NBEA: variants seen among roughly 807,000 people sequenced by gnomAD.
NBEA encodes lysosomal-trafficking regulator 2.
A neutral mutation model predicts 343.4 loss-of-function variants in NBEA; 44 were observed. The ratio of observed to expected loss-of-function variants is 0.13; its 90% CI spans 0.10 to 0.16. The LOEUF is 0.16. Among genes scored for constraint, NBEA ranks in the 10% least tolerant of loss-of-function variants. NBEA has a pLI of 1.00. For synonymous variants in NBEA, 1,175 were observed against 1,238.7 expected, an observed-to-expected ratio of 0.95 and a Z score of 1.08; for missense variants, 2,555 against 3,631.3, an observed-to-expected ratio of 0.70 and a Z score of 7.62.
intron 34 of NBEA, among the ~76,000 whole-genome samples, chr13:35,246,732 G>A (rs775008817): frequency 9.2e-5 from 14 of 152,180 alleles, no homozygotes; most frequent in Admixed American, 7.2e-4. Context: ...AGTTGTAGTT[G>A]TTTAATGCAC....
chr13:35,051,480 T>G (rs2063064022), intron 6 of NBEA, among the ~76,000 whole-genome samples: 1 of 152,014 alleles, frequency 6.6e-6, no homozygotes. Flanking sequence ...TTTTACATGA[T>G]TCTAATAAAA....
intron 41 of NBEA, among the ~76,000 whole-genome samples, chr13:35,520,504 G>A (rs2152992055): frequency 6.6e-6 from 1 of 152,254 alleles, no homozygotes; most frequent in African/African-American, 2.4e-5. Flanking sequence ...GGTTGAGAAG[G>A]AAGATGTGCC....
chr13:35,667,303 C>A, intron 56 of NBEA, 71 bp from the exon 57 acceptor site: 1 of 1,313,116 alleles, frequency 7.6e-7, no homozygotes, highest in South Asian at 1.3e-5. Flanking sequence ...GCAAGGTTTT[C>A]AGGTTGGTGG....
At chr13:35,246,238 G>T (rs1435999003) in intron 34 of NBEA, among the ~76,000 whole-genome samples, 1 of 151,852 alleles carries the variant, frequency 6.6e-6, no homozygotes, top group Non-Finnish European at 1.5e-5. Context: ...CCTTTCTCTG[G>T]TGCCTCCTTG....
At chr13:35,141,517 A>T (rs2068092835) in intron 17 of NBEA, among the ~76,000 whole-genome samples, 1 of 152,144 alleles carries the variant, frequency 6.6e-6, no homozygotes, top group Non-Finnish European at 1.5e-5. Flanking sequence ...CACCCACCTC[A>T]GCCTCTGAAA....
chr13:35,478,089 C>T (rs532771028), intron 41 of NBEA, among the ~76,000 whole-genome samples: 1 of 152,294 alleles, frequency 6.6e-6, no homozygotes, highest in African/African-American at 2.4e-5. Context: ...TAGACACTTT[C>T]AGAGTCACTT....
chr13:35,371,793 TG>T (rs1330882989), intron 38 of NBEA, among the ~76,000 whole-genome samples: 1 of 152,170 alleles, frequency 6.6e-6, no homozygotes, highest in Non-Finnish European at 1.5e-5. Flanking sequence ...GATATGTCTG[TG>T]GTGTTTGTTG....
chr13:35,002,382 A>G (rs1340874678), intron 1 of NBEA, among the ~76,000 whole-genome samples: 2 of 152,186 alleles, frequency 1.3e-5, no homozygotes, highest in East Asian at 3.8e-4. Flanking sequence ...AAATCTTCCA[A>G]ATACTAATAG....
At chr13:34,959,152 G>A (rs1455661414) in intron 1 of NBEA, among the ~76,000 whole-genome samples, 4 of 152,030 alleles carry the variant, frequency 2.6e-5, no homozygotes, top group Non-Finnish European at 5.9e-5. Context: ...TTTATTTGTC[G>A]TGTTTTTTAA....
Position 35,526,385 on chromosome 13 carries a change from AT to A in NBEA, c.6586-24090del, listed in dbSNP as rs1305860421. On this transcript the variant is annotated intron_variant, in intron 41 of 58. Transcript: ENST00000379939. ...ACAAGTTTTTGGCCAGTGGCCCATG[AT>A]TGTAATCTCAGCACTTTAGGAGGTC... is the stretch of plus-strand genomic sequence containing the variant. Among the ~76,000 whole-genome samples, 18 of 152,300 alleles carry A rather than the reference AT, an allele frequency of 1.2e-4. No homozygotes were observed. In the South Asian group the frequency reaches 1.7e-3, roughly 14 times the overall value.
intron 41 of NBEA, among the ~76,000 whole-genome samples, chr13:35,512,316 C>T (rs563476845): frequency 1.3e-5 from 2 of 152,136 alleles, no homozygotes; most frequent in Non-Finnish European, 2.9e-5. Flanking sequence ...TGGGATTAAA[C>T]CTGAATAGCA....
At chr13:35,571,551 T>C (rs1281446507) in intron 45 of NBEA, among the ~76,000 whole-genome samples, 1 of 152,176 alleles carries the variant, frequency 6.6e-6, no homozygotes, top group Non-Finnish European at 1.5e-5. Flanking sequence ...CACCGTAAAG[T>C]AGTTAAGGCA....
In NBEA at chr13:35,584,132, A is replaced by G. The variant is rs2081180725; in HGVS notation, c.7176+94A>G. ...AATCAAATCAGTTGTAATTTGATTA[A>G]CAAAGATTAGAGACGAGTGAAGTAG... On this transcript the variant is annotated intron_variant, in intron 46 of 58. Coordinates refer to ENST00000379939, the MANE Select transcript of NBEA (RefSeq NM_001385012.1). The G allele has an allele frequency of 2.5e-6, 3 of 1,215,714 alleles. No individual in the cohort carries two copies. The Admixed American group carries it at 6.0e-5, about 24-fold the overall frequency. The allele number at this position is 1,215,714 out of a possible 1,614,324, so 75.3% of individuals were successfully genotyped here. A position where few individuals can be genotyped will look rare whatever the true frequency, so the allele number is the denominator to read the frequency against.
At chr13:35,377,029 C>T (rs1189991409) in intron 38 of NBEA, among the ~76,000 whole-genome samples, 1 of 151,994 alleles carries the variant, frequency 6.6e-6, no homozygotes, top group Non-Finnish European at 1.5e-5. Context: ...TTCATGATTC[C>T]TTGAAGAGCT....
intron 58 of NBEA, among the ~76,000 whole-genome samples, chr13:35,669,286 A>G (rs908061283): frequency 2.0e-5 from 3 of 152,216 alleles, no homozygotes; most frequent in African/African-American, 7.2e-5. Flanking sequence ...TGTAATCTGA[A>G]TATGGCATGT....
intron 36 of NBEA, among the ~76,000 whole-genome samples, chr13:35,343,338 T>C (rs910226989): frequency 6.6e-6 from 1 of 152,058 alleles, no homozygotes; most frequent in Non-Finnish European, 1.5e-5. Context: ...TATCAAAATA[T>C]CCAGGAGACA....
intron 7 of NBEA, among the ~76,000 whole-genome samples, chr13:35,057,074 G>A (rs955728533): frequency 6.6e-6 from 1 of 152,046 alleles, no homozygotes; most frequent in African/African-American, 2.4e-5. Context: ...GCTTTCCATT[G>A]TCTACATTCC....
intron 34 of NBEA, chr13:35,251,377 G>C (rs2031937017): frequency 2.9e-6 from 3 of 1,038,594 alleles, no homozygotes; most frequent in South Asian, 6.5e-5. Context: ...TCCAATGACT[G>C]TGTGCTGGTG....
intron 1 of NBEA, among the ~76,000 whole-genome samples, chr13:34,973,972 T>A (rs983530352): frequency 1.3e-5 from 2 of 152,136 alleles, no homozygotes; most frequent in African/African-American, 4.8e-5. Flanking sequence ...TCCACACAGC[T>A]CTTTGTGTCA....
Sources: gnomAD v4.1 joint callset for allele counts (sites outside exome capture counted in the v4.1 genomes callset) on GRCh38, gnomAD v4.1.1 for gene constraint, MANE v1.5 for transcripts, NCBI Gene and HGNC (gene_info 2026-07-23, HGNC 2026-07-21) for gene names.